Variants in PLA2G7 observed in about 807,000 individuals in gnomAD.
PLA2G7 encodes the protein phospholipase A2 group VII.
In PLA2G7, 63 loss-of-function variants were observed where a neutral mutation model predicts 49.6. The ratio of observed to expected loss-of-function variants is 1.27; its 90% CI spans 1.04 to 1.57. The LOEUF is 1.57. PLA2G7 is among the 40% of genes most tolerant of loss of function. PLA2G7 has a pLI of 0.00. For missense variants in PLA2G7, 596 were observed against 521.2 expected, an observed-to-expected ratio of 1.14 and a Z score of -1.40; for synonymous variants, 193 against 169.9, an observed-to-expected ratio of 1.14 and a Z score of -1.06.
At chr6:46,717,713 T>C (rs1457774594) in intron 2 of PLA2G7, among the ~76,000 whole-genome samples, 672 of 38,186 alleles carry the variant, frequency 0.018, 3 homozygotes, top group African/African-American at 0.075. Context: ...TTTTTTCTTT[T>C]TCTTTTTTTT....
In PLA2G7 at chr6:46,716,448, A is replaced by G. The variant is rs760340474; in HGVS notation, c.312T>C (p.Phe104=). The G allele has an allele frequency of 1.4e-5, 22 of 1,613,998 alleles. No homozygotes were observed. Among genetic ancestry groups the G allele is most frequent in the Non-Finnish European group, 1.8e-5 (21 of 1,179,984 alleles). Residue 104 remains phenylalanine, a synonymous_variant, in exon 4 of 12, where the codon TTT becomes TTC. Coordinates refer to ENST00000274793, the MANE Select transcript of PLA2G7 (RefSeq NM_005084.4). ...DTLWIPNKEY[F]WGLSKFLGTH... is the part of the protein sequence containing the mutation. ...TTCCAAGAAATTTGCTAAGACCCCA[A>G]AAATATTCTTTATTTGGGATCCAAA...
chr6:46,710,795 C>T (rs967618043), intron 7 of PLA2G7, 137 bp from the exon 8 acceptor site: 3 of 696,610 alleles, frequency 4.3e-6, no homozygotes, highest in Non-Finnish European at 7.7e-6. Flanking sequence ...CTATTACTTG[C>T]TACCATAATG....
chr6:46,731,955 TC>T (rs1765747798), intron 1 of PLA2G7, among the ~76,000 whole-genome samples: 1 of 152,150 alleles, frequency 6.6e-6, no homozygotes, highest in African/African-American at 2.4e-5. Context: ...CTGTCCCCTC[TC>T]CTTCCCCTGT....
At chr6:46,707,866 C>T (rs1157524919) in intron 10 of PLA2G7, 125 bp downstream of exon 10, 15 of 640,656 alleles carry the variant, frequency 2.3e-5, no homozygotes, top group Admixed American at 7.9e-5. Context: ...TTATCTAATT[C>T]TCTCCTTATT....
At chr6:46,732,703 A>T (rs1002593341) in intron 1 of PLA2G7, among the ~76,000 whole-genome samples, 2 of 152,098 alleles carry the variant, frequency 1.3e-5, no homozygotes, top group African/African-American at 4.8e-5. Context: ...AAAAACCTAC[A>T]TGTTTGTATG....
At position 46,716,494 on chromosome 6, in the gene PLA2G7, T is replaced by C. The variant is rs748522672; in HGVS notation, c.266A>G (p.Asp89Gly). The C allele has an allele frequency of 8.7e-6, 14 of 1,613,924 alleles. No homozygotes were observed. Among genetic ancestry groups the C allele is most frequent in the Non-Finnish European group, 1.0e-5 (12 of 1,179,830 alleles). ...TFLRLYYPSQ[D>G]NDRLDTLWIP... ...CCAAAGGGTGTCAAGGCGATCATTA[T>C]CTTGGGATGGATAATATAAACGCAA... The change falls in exon 4 of 12, where the codon GAT becomes GGT. Residue 89 changes from aspartate to glycine, a missense_variant. Transcript: ENST00000274793.
chr6:46,729,247 C>A (rs1582589026), intron 1 of PLA2G7, among the ~76,000 whole-genome samples: 1 of 152,080 alleles, frequency 6.6e-6, no homozygotes, highest in Non-Finnish European at 1.5e-5. Context: ...ACATATATGC[C>A]CCAATATGGA....
chr6:46,705,346 T>C (rs1764780659), intron 10 of PLA2G7, 45 bp from the exon 11 acceptor site: 1 of 1,525,090 alleles, frequency 6.6e-7, no homozygotes, highest in Admixed American at 1.7e-5. Context: ...TTTGATAAAA[T>C]TATTATTTTT....
At chr6:46,733,739 C>T (rs1372845239) in intron 1 of PLA2G7, among the ~76,000 whole-genome samples, 2 of 152,166 alleles carry the variant, frequency 1.3e-5, no homozygotes, top group Non-Finnish European at 2.9e-5. Context: ...GACCAGAAGG[C>T]CATCTGCTTC....
At chr6:46,706,619 C>A (rs1235131584) in intron 10 of PLA2G7, among the ~76,000 whole-genome samples, 1 of 152,130 alleles carries the variant, frequency 6.6e-6, no homozygotes, top group Non-Finnish European at 1.5e-5. Context: ...CGTGGGGGCC[C>A]AGGAAGCTAG....
chr6:46,730,563 C>T (rs908995545), intron 1 of PLA2G7, among the ~76,000 whole-genome samples: 1 of 152,030 alleles, frequency 6.6e-6, no homozygotes, highest in Admixed American at 6.5e-5. Flanking sequence ...GTGAACTGTC[C>T]TTATTCTATT....
chr6:46,712,467 C>T lies in PLA2G7; in HGVS notation c.471-130G>A, dbSNP rs550058745. ...TGCCCTGGGGTGGAGTGGAGAGCTA[C>T]GGTTCTTAAAGGAGGGTGATTTTGT... is the stretch of plus-strand genomic sequence containing the variant. On this transcript the variant is annotated intron_variant, in intron 5 of 11. Coordinates refer to ENST00000274793, the MANE Select transcript of PLA2G7 (RefSeq NM_005084.4). 350 of 694,640 alleles carry T rather than the reference C, an allele frequency of 5.0e-4. 1 individual carries two copies. Among genetic ancestry groups the T allele is most frequent in the Non-Finnish European group, 7.8e-4 (296 of 377,344 alleles). The allele number at this position is 694,640 out of a possible 1,614,324, so 43.0% of individuals were successfully genotyped here. A position where few individuals can be genotyped will look rare whatever the true frequency, so the allele number is the denominator to read the frequency against.
At chr6:46,734,457 AG>A (rs1765843722) in intron 1 of PLA2G7, among the ~76,000 whole-genome samples, 1 of 124,732 alleles carries the variant, frequency 8.0e-6, no homozygotes, top group Non-Finnish European at 1.6e-5. Flanking sequence ...AGAGAGAGAG[AG>A]AGAGAGAGAG....
At chr6:46,735,141 T>G (rs958851303) in intron 1 of PLA2G7, 39 bp downstream of exon 1, 6 of 148,786 alleles carry the variant, frequency 4.0e-5, no homozygotes, top group African/African-American at 1.5e-4. Context: ...ACCGTGCCCT[T>G]CCTCCCACTC....
chr6:46,723,010 C>T, intron 1 of PLA2G7, 85 bp from the exon 2 acceptor site: 1 of 697,050 alleles, frequency 1.4e-6, no homozygotes, highest in East Asian at 2.8e-5. Flanking sequence ...GGCTGAGGTA[C>T]TAGTAACACT....
At position 46,705,164 on chromosome 6, in the gene PLA2G7, T is replaced by A. The variant is rs1273212769; in HGVS notation, c.1178A>T (p.Gln393Leu). 6.2e-7 allele frequency: 1 copy of A among 1,608,038 alleles called. No individual in the cohort carries two copies. Among genetic ancestry groups the A allele is most frequent in the Non-Finnish European group, 8.5e-7 (1 of 1,174,790 alleles). Residue 393 changes from glutamine (Q) to leucine (L), a missense_variant, in exon 11 of 12, where the codon CAA (glutamine) becomes CTA (leucine). Gln to Leu is a moderately radical substitution (Grantham distance 113, BLOSUM62 -2). Coordinates refer to ENST00000274793, the MANE Select transcript of PLA2G7 (RefSeq NM_005084.4). ...AAATAGTTTCTTACCTAAATGCTTTTGTAAGAATGCTAATGAAGCTTTGTT... is the reference window on the plus strand; with the variant it reads ...AAATAGTTTCTTACCTAAATGCTTTAGTAAGAATGCTAATGAAGCTTTGTT... Reference protein sequence around the residue: ...LSNKASLAFLQKHLGLHKDFD... With the variant: ...LSNKASLAFLLKHLGLHKDFD...
At position 46,709,423 on chromosome 6, in the gene PLA2G7, T is replaced by C; in HGVS notation, c.778-5A>G. 1 of 1,489,948 alleles carries C rather than the reference T, an allele frequency of 6.7e-7. No homozygotes were observed. The highest frequency in any genetic ancestry group is 9.4e-7 in the Non-Finnish European group (1 of 1,067,324). The allele number at this position is 1,489,948 out of a possible 1,614,324, so 92.3% of individuals were successfully genotyped here. A position where few individuals can be genotyped will look rare whatever the true frequency, so the allele number is the denominator to read the frequency against. ...TTTTTCCCTATCAATAGAGTCCTATTTGAAAAAGCATGATATAAATTTATA... is the reference window on the plus strand; with the variant it reads ...TTTTTCCCTATCAATAGAGTCCTATCTGAAAAAGCATGATATAAATTTATA... On this transcript the variant is annotated splice_region_variant and splice_polypyrimidine_tract_variant and intron_variant, in intron 8 of 11. Coordinates refer to ENST00000274793, the MANE Select transcript of PLA2G7 (RefSeq NM_005084.4).
chr6:46,717,693 A>C (rs1457867117), intron 2 of PLA2G7, among the ~76,000 whole-genome samples: 1 of 134,216 alleles, frequency 7.5e-6, no homozygotes, highest in South Asian at 2.5e-4. Flanking sequence ...CGGAGCCTCT[A>C]TTTTCTTTCT....
rs560294195 is a variant in PLA2G7, at chr6:46,717,069, A to G, written c.137T>C (p.Met46Thr). 8 of 1,613,642 alleles carry G rather than the reference A, an allele frequency of 5.0e-6. No homozygotes were observed. Among genetic ancestry groups the G allele is most frequent in the Non-Finnish European group, 6.8e-6 (8 of 1,179,624 alleles). Residue 46 changes from methionine (M) to threonine (T), a missense_variant, in exon 3 of 12, where the codon ATG becomes ACG. Met to Thr is a moderately conservative substitution (Grantham distance 81, BLOSUM62 -1). Coordinates refer to ENST00000274793, the MANE Select transcript of PLA2G7 (RefSeq NM_005084.4). ...SAWVNKIQVL[M>T]AAASFGQTKI... ...AGTTTGGCCAAAGCTTGCAGCAGCC[A>G]TCAGTACTTGTATTTTGTTGACCCA...
Sources: allele counts gnomAD v4.1 joint callset (sites outside exome capture counted in the v4.1 genomes callset), GRCh38; gene constraint gnomAD v4.1.1; transcripts MANE v1.5; gene names NCBI Gene and HGNC (gene_info 2026-07-23, HGNC 2026-07-21).